TBC1D9: variants seen among roughly 807,000 people sequenced by gnomAD.
The protein encoded by TBC1D9 is TBC1 domain family member 9A.
Under a neutral mutation model 132.0 loss-of-function variants are expected in TBC1D9, and 63 were observed. That is an observed-to-expected ratio of 0.48 (90% CI 0.39 to 0.59). The LOEUF is 0.59. TBC1D9 is among the 20% of genes least tolerant of loss of function. The pLI is 0.00. For missense variants in TBC1D9, 1,261 were observed against 1,592.7 expected, an observed-to-expected ratio of 0.79 and a Z score of 3.54; for synonymous variants, 610 against 609.9, an observed-to-expected ratio of 1.00 and a Z score of 0.00.
chr4:140,677,220 C>G (rs538117821), intron 5 of TBC1D9, 119 bp from the exon 6 acceptor site: 6 of 1,132,274 alleles, frequency 5.3e-6, no homozygotes, highest in Non-Finnish European at 7.5e-6. Flanking sequence ...GACTCATCCC[C>G]CGCTTCTCAG....
At chr4:140,632,242 CT>C (rs1736806151) in intron 16 of TBC1D9, among the ~76,000 whole-genome samples, 1 of 140,410 alleles carries the variant, frequency 7.1e-6, no homozygotes, top group Non-Finnish European at 1.5e-5. Flanking sequence ...CTTTTTTCTC[CT>C]CTTTATTTTT....
At chr4:140,659,553 A>T in intron 11 of TBC1D9, 35 bp downstream of exon 11, 1 of 1,433,386 alleles carries the variant, frequency 7.0e-7, no homozygotes, top group Non-Finnish European at 9.6e-7. Context: ...TCTTGACGAG[A>T]CATAGGTTGA....
chr4:140,703,401 G>A (rs1738101464), intron 1 of TBC1D9, among the ~76,000 whole-genome samples: 1 of 152,140 alleles, frequency 6.6e-6, no homozygotes, highest in Admixed American at 6.5e-5. Context: ...CACTGCTCTG[G>A]CATCCTGGTG....
chr4:140,755,797 A>T (rs1444016196), intron 1 of TBC1D9, 119 bp downstream of exon 1: 17 of 1,352,166 alleles, frequency 1.3e-5, no homozygotes, highest in Non-Finnish European at 7.6e-6. Context: ...ACAACGAGGC[A>T]GGGCGGGTCG....
chr4:140,639,573 T>C, intron 13 of TBC1D9, 145 bp from the exon 14 acceptor site: 1 of 601,886 alleles, frequency 1.7e-6, no homozygotes, highest in Non-Finnish European at 2.9e-6. Context: ...CTTTAGCTAC[T>C]GTTTTAAAGC....
chr4:140,635,945 G>C (rs548145575), intron 15 of TBC1D9, among the ~76,000 whole-genome samples: 109 of 152,316 alleles, frequency 7.2e-4, no homozygotes, highest in Non-Finnish European at 1.2e-3. Flanking sequence ...TCTGTGGGCA[G>C]CATGGTGTTG....
At position 140,633,951 on chromosome 4, in the gene TBC1D9, G is replaced by A. The variant is rs1205635559; in HGVS notation, c.2743C>T (p.Leu915=). The A allele has an allele frequency of 5.0e-6, 8 of 1,613,818 alleles. No homozygotes were observed. In the South Asian group the frequency reaches 7.7e-5, roughly 16 times the overall value. ...LINFREFVSG[L]SAACHGDLTE... is the part of the protein sequence containing the mutation. ...TGCAATAGTACCACGTCCTTACTTA[G>A]CCCAGAGACAAACTCCCGGAAGTTA... Residue 915 remains leucine, a synonymous_variant, in exon 16 of 21, where the codon CTA becomes TTA. Coordinates refer to ENST00000442267, the MANE Select transcript of TBC1D9 (RefSeq NM_015130.3).
chr4:140,690,810 A>G (rs899274814), intron 2 of TBC1D9, among the ~76,000 whole-genome samples: 4 of 152,168 alleles, frequency 2.6e-5, no homozygotes, highest in African/African-American at 9.7e-5. Flanking sequence ...AGGGCAGAGC[A>G]TGGTGAGAGC....
chr4:140,636,009 G>T (rs1736873840), intron 15 of TBC1D9, among the ~76,000 whole-genome samples: 1 of 152,160 alleles, frequency 6.6e-6, no homozygotes, highest in South Asian at 2.1e-4. Flanking sequence ...GTTGACAAAG[G>T]TTACCCAAAG....
intron 1 of TBC1D9, among the ~76,000 whole-genome samples, chr4:140,741,491 CG>C (rs1560901859): frequency 6.6e-6 from 1 of 152,030 alleles, no homozygotes; most frequent in Non-Finnish European, 1.5e-5. Context: ...CTGAGACAGG[CG>C]GATTGCTTGA....
intron 1 of TBC1D9, among the ~76,000 whole-genome samples, chr4:140,730,237 A>T (rs1738565654): frequency 6.6e-6 from 1 of 152,218 alleles, no homozygotes; most frequent in Non-Finnish European, 1.5e-5. Flanking sequence ...TCATCAGGCC[A>T]CTGTAACATT....
chr4:140,745,123 C>A (rs1302363630), intron 1 of TBC1D9, among the ~76,000 whole-genome samples: 1 of 152,100 alleles, frequency 6.6e-6, no homozygotes, highest in East Asian at 1.9e-4. Context: ...TTACACCTTA[C>A]ATATACTGAT....
rs368125214 is a variant in TBC1D9, at chr4:140,694,464, G to A, written c.241+7040C>T. Among the ~76,000 whole-genome samples the A allele has an allele frequency of 4.7e-3, 717 of 151,828 alleles. 2 individuals carry two copies. The highest frequency in any genetic ancestry group is 8.3e-3 in the Non-Finnish European group (563 of 67,940). On this transcript the variant is annotated intron_variant, in intron 2 of 20. Transcript: ENST00000442267. Reference sequence around the variant, plus strand: ...CGTACACCTGTAGTCCCAGCTATGCGGGAGGGTGAGGCAGGAGAATCACCT... The same window carrying A: ...CGTACACCTGTAGTCCCAGCTATGCAGGAGGGTGAGGCAGGAGAATCACCT...
At chr4:140,643,436 G>A in intron 13 of TBC1D9, 1 of 942,412 alleles carries the variant, frequency 1.1e-6, no homozygotes, top group Admixed American at 1.9e-5. Flanking sequence ...GGCCGGGCAG[G>A]AACTGCTCAG....
At chr4:140,672,990 T>C (rs1431358444) in intron 6 of TBC1D9, among the ~76,000 whole-genome samples, 1 of 152,024 alleles carries the variant, frequency 6.6e-6, no homozygotes, top group Non-Finnish European at 1.5e-5. Context: ...TGAAACCCCA[T>C]CTCTACTAAA....
chr4:140,661,267 C>T (rs774562313), intron 10 of TBC1D9, among the ~76,000 whole-genome samples: 1 of 152,190 alleles, frequency 6.6e-6, no homozygotes, highest in African/African-American at 2.4e-5. Context: ...CAAATTTTGG[C>T]ATCTATACCA....
In TBC1D9 at chr4:140,677,162, A is replaced by T; in HGVS notation, c.852-61T>A. ...TGTTTCCATACCTTCTAAATTATGC[A>T]GCAGCGGAAGTTCCCCCAGCCCATT... is the stretch of plus-strand genomic sequence containing the variant. On this transcript the variant is annotated intron_variant, in intron 5 of 20. Transcript: ENST00000442267. 1.9e-6 allele frequency: 3 copies of T among 1,584,766 alleles called. No homozygotes were observed. In the South Asian group the frequency reaches 3.3e-5, roughly 18 times the overall value.
intron 1 of TBC1D9, among the ~76,000 whole-genome samples, chr4:140,710,430 T>A (rs1738224834): frequency 4.6e-5 from 7 of 152,198 alleles, no homozygotes; most frequent in Admixed American, 4.6e-4. Flanking sequence ...TACATGTTCA[T>A]ATAAGTACTC....
chr4:140,661,711 C>T (rs75424912), intron 10 of TBC1D9, among the ~76,000 whole-genome samples, 182 bp downstream of exon 10: 385 of 152,246 alleles, frequency 2.5e-3, no homozygotes, highest in Non-Finnish European at 4.7e-3. Flanking sequence ...AAACATTCTA[C>T]AAAGCATAGA....
Sources: allele counts gnomAD v4.1 joint callset (sites outside exome capture counted in the v4.1 genomes callset), GRCh38; gene constraint gnomAD v4.1.1; transcripts MANE v1.5; gene names NCBI Gene and HGNC (gene_info 2026-07-23, HGNC 2026-07-21).